The following PARN variants were observed in gnomAD, a reference collection of about 807,000 sequenced individuals.
The protein encoded by PARN is poly(A)-specific ribonuclease.
Under a neutral mutation model 102.8 loss-of-function variants are expected in PARN, and 71 were observed. The ratio of observed to expected loss-of-function variants is 0.69; its 90% CI spans 0.57 to 0.84. The LOEUF (loss-of-function observed/expected upper bound fraction) is 0.84. Among genes scored for constraint, PARN ranks in the 40% least tolerant of loss-of-function variants. The pLI, the probability that PARN is intolerant of heterozygous loss-of-function variation, is 0.00. For missense variants in PARN, 782 were observed against 760.9 expected, an observed-to-expected ratio of 1.03 and a Z score of -0.33; for synonymous variants, 261 against 252.9, an observed-to-expected ratio of 1.03 and a Z score of -0.30.
chr16:14,579,117 G>A (rs751526855), intron 18 of PARN, among the ~76,000 whole-genome samples: 1 of 151,990 alleles, frequency 6.6e-6, no homozygotes, highest in Non-Finnish European at 1.5e-5. Context: ...CTCCCGAGTA[G>A]CTGGGAATAC....
In PARN at chr16:14,537,674, G is replaced by T. The variant is rs139543311; in HGVS notation, c.1480+14347C>A. 2.0e-5 allele frequency among the ~76,000 whole-genome samples: 3 copies of T among 152,114 alleles called. No individual in the cohort carries two copies. The East Asian group carries it at 5.8e-4, about 29-fold the overall frequency. ...GAAGACATTAGCTTAAGCAAAATAC[G>T]GCAGGCATAGAAAGGCAAATGCATG... is the stretch of plus-strand genomic sequence containing the variant. On this transcript the variant is annotated intron_variant, in intron 21 of 23. Coordinates refer to ENST00000437198, the MANE Select transcript of PARN (RefSeq NM_002582.4).
At chr16:14,611,451 T>C (rs186481995) in intron 6 of PARN, among the ~76,000 whole-genome samples, 1 of 152,334 alleles carries the variant, frequency 6.6e-6, no homozygotes, top group African/African-American at 2.4e-5. Flanking sequence ...AAGGCCATGA[T>C]GACTACTCTG....
At chr16:14,465,752 G>A (rs1962307038) in intron 22 of PARN, among the ~76,000 whole-genome samples, 1 of 152,184 alleles carries the variant, frequency 6.6e-6, no homozygotes, top group Non-Finnish European at 1.5e-5. Flanking sequence ...GAGGAAGGCT[G>A]AGGGTGGGGA....
intron 7 of PARN, 123 bp downstream of exon 7, chr16:14,610,521 G>T: frequency 3.7e-6 from 2 of 540,188 alleles, no homozygotes; most frequent in Non-Finnish European, 3.3e-6. Context: ...ATTATATCCT[G>T]CCATTCACAA....
intron 3 of PARN, 57 bp from the exon 4 acceptor site, chr16:14,627,393 T>C (rs1183007729): frequency 1.6e-6 from 2 of 1,262,436 alleles, no homozygotes; most frequent in African/African-American, 1.5e-5. Flanking sequence ...CATGTGAGCA[T>C]AGCATTCTCA....
intron 22 of PARN, among the ~76,000 whole-genome samples, chr16:14,478,842 C>T (rs560718871): frequency 1.4e-3 from 214 of 152,274 alleles, no homozygotes; most frequent in Non-Finnish European, 2.4e-3. Flanking sequence ...AGTGCAATGG[C>T]GTGATCTCGG....
At position 14,596,003 on chromosome 16, in the gene PARN, C is replaced by T. The variant is rs537726800; in HGVS notation, c.841-2625G>A. On this transcript the variant is annotated intron_variant, in intron 12 of 23. Transcript: ENST00000437198. ...ATAGATCCACACACACATACATATA[C>T]AGAGAGACACAGAAATATAGCTGTG... Among the ~76,000 whole-genome samples, 11 of 152,242 alleles carry T rather than the reference C, an allele frequency of 7.2e-5. No homozygotes were observed. In the East Asian group the frequency reaches 2.1e-3, roughly 29 times the overall value.
intron 21 of PARN, among the ~76,000 whole-genome samples, chr16:14,485,582 T>C (rs1238143304): frequency 1.3e-5 from 2 of 152,230 alleles, no homozygotes; most frequent in African/African-American, 2.4e-5. Context: ...TGAGAACCCA[T>C]TGGTTCTACC....
intron 18 of PARN, among the ~76,000 whole-genome samples, chr16:14,577,571 C>G (rs1969221634): frequency 6.6e-6 from 1 of 152,092 alleles, no homozygotes; most frequent in South Asian, 2.1e-4. Context: ...TGGGCTCAAG[C>G]AACCCTCCTT....
chr16:14,586,157 A>G (rs865831909), intron 14 of PARN, among the ~76,000 whole-genome samples, 161 bp downstream of exon 14: 5 of 151,674 alleles, frequency 3.3e-5, no homozygotes, highest in Non-Finnish European at 7.4e-5. Context: ...TTTATTTTTT[A>G]TAGATATGTG....
At chr16:14,448,797 C>G (rs1359732060) in intron 22 of PARN, among the ~76,000 whole-genome samples, 1 of 152,172 alleles carries the variant, frequency 6.6e-6, no homozygotes, top group Non-Finnish European at 1.5e-5. Flanking sequence ...ACTCTTCCTC[C>G]TATGACTGGC....
chr16:14,556,139 AATTATT>A (rs777317986), intron 18 of PARN, among the ~76,000 whole-genome samples: 1 of 149,216 alleles, frequency 6.7e-6, no homozygotes, highest in African/African-American at 2.5e-5. Flanking sequence ...CTGGCTTTAT[AATTATT>A]ATTATTACTA....
Position 14,447,002 on chromosome 16 carries a change from C to T in PARN, c.1750G>A (p.Gly584Arg), listed in dbSNP as rs779691333. The change falls in exon 23 of 24, where the codon GGG becomes AGG. Residue 584 changes from glycine (G) to arginine (R), a missense_variant. By Grantham distance (125) the Gly-to-Arg change is moderately radical (BLOSUM62 -2). Transcript: ENST00000437198. ...EEAGLEDGVS[G>R]EISDTELEQT... ...TCAAGCTCAGTGTCGGAAATCTCCCCTGACACTCCGTCCTCCAGGCCAGCT... is the reference window on the plus strand; with the variant it reads ...TCAAGCTCAGTGTCGGAAATCTCCCTTGACACTCCGTCCTCCAGGCCAGCT... The T allele has an allele frequency of 1.2e-6, 2 of 1,613,568 alleles. No homozygotes were observed. Among genetic ancestry groups the T allele is most frequent in the Admixed American group, 3.3e-5 (2 of 59,996 alleles).
At chr16:14,492,559 G>T (rs911900507) in intron 21 of PARN, among the ~76,000 whole-genome samples, 18 of 152,084 alleles carry the variant, frequency 1.2e-4, no homozygotes, top group African/African-American at 4.1e-4. Flanking sequence ...TGTGATCTTG[G>T]TTCTGTTACC....
At chr16:14,438,201 A>G (rs1253793648) in intron 23 of PARN, among the ~76,000 whole-genome samples, 1 of 152,194 alleles carries the variant, frequency 6.6e-6, no homozygotes, top group African/African-American at 2.4e-5. Flanking sequence ...TCCCACAATG[A>G]TACAATAAAC....
At chr16:14,629,113 A>G (rs922137397) in intron 2 of PARN, among the ~76,000 whole-genome samples, 2 of 152,216 alleles carry the variant, frequency 1.3e-5, no homozygotes, top group Non-Finnish European at 2.9e-5. Flanking sequence ...GGCGGTTGCT[A>G]AAGGCTGGGC....
intron 21 of PARN, among the ~76,000 whole-genome samples, chr16:14,537,673 C>T (rs1966667342): frequency 6.6e-6 from 1 of 152,038 alleles, no homozygotes; most frequent in African/African-American, 2.4e-5. Context: ...AAGCAAAATA[C>T]GGCAGGCATA....
At chr16:14,626,389 T>C (rs1226298769) in intron 5 of PARN, among the ~76,000 whole-genome samples, 1 of 152,152 alleles carries the variant, frequency 6.6e-6, no homozygotes, top group Non-Finnish European at 1.5e-5. Context: ...GCTCAAGTGA[T>C]TCTCCCGTCT....
chr16:14,513,537 A>G (rs1965308518), intron 21 of PARN, among the ~76,000 whole-genome samples: 1 of 152,176 alleles, frequency 6.6e-6, no homozygotes, highest in Admixed American at 6.5e-5. Context: ...TAGATAGTTC[A>G]CTAAGAGCAA....
Sources: gnomAD v4.1 joint callset for allele counts (sites outside exome capture counted in the v4.1 genomes callset) on GRCh38, gnomAD v4.1.1 for gene constraint, MANE v1.5 for transcripts, NCBI Gene and HGNC (gene_info 2026-07-23, HGNC 2026-07-21) for gene names.